NRG1: variants seen among roughly 807,000 people sequenced by gnomAD.
NRG1 encodes pro-neuregulin-1, membrane-bound isoform.
NRG1 carries 18 observed loss-of-function variants against 63.8 expected under a neutral mutation model. The ratio of observed to expected loss-of-function variants is 0.28; its 90% CI spans 0.19 to 0.42. The LOEUF (loss-of-function observed/expected upper bound fraction) is 0.42, where lower values mean the gene tolerates loss of function less well. Among genes scored for constraint, NRG1 ranks in the 10% least tolerant of loss-of-function variants. The pLI, the probability that NRG1 is intolerant of heterozygous loss-of-function variation, is 1.00. For synonymous variants in NRG1, 302 were observed against 301.3 expected (o/e 1.00, Z -0.02); for missense variants, 762 against 814.7 (o/e 0.94, Z 0.79).
chr8:31,857,717 C>G (rs532412114), intron 1 of NRG1, among the ~76,000 whole-genome samples: 1 of 152,208 alleles, frequency 6.6e-6, no homozygotes, highest in Non-Finnish European at 1.5e-5. Flanking sequence ...TAATGACTTA[C>G]TACTTGCTGT....
intron 5 of NRG1, among the ~76,000 whole-genome samples, chr8:32,668,930 G>T (rs1283691093): frequency 1.3e-5 from 2 of 152,142 alleles, no homozygotes; most frequent in Middle Eastern, 3.4e-3. Flanking sequence ...TGGTTGTGTC[G>T]AATAGAATTG....
intron 5 of NRG1, among the ~76,000 whole-genome samples, chr8:32,715,756 A>G (rs1037580105): frequency 1.3e-5 from 2 of 151,556 alleles, no homozygotes; most frequent in Non-Finnish European, 2.9e-5. Flanking sequence ...CTCCTGCCTC[A>G]GCCTCCTGAG....
At chr8:31,866,333 T>A (rs1165437055) in intron 1 of NRG1, among the ~76,000 whole-genome samples, 1 of 152,176 alleles carries the variant, frequency 6.6e-6, no homozygotes, top group African/African-American at 2.4e-5. Flanking sequence ...TTACTTGGAT[T>A]GAGTAATAAA....
intron 1 of NRG1, among the ~76,000 whole-genome samples, chr8:32,254,372 C>A (rs112283185): frequency 6.6e-6 from 1 of 152,130 alleles, no homozygotes; most frequent in East Asian, 1.9e-4. Context: ...TATTCTGGTA[C>A]GCTGTGTCTT....
chr8:32,278,296 G>A (rs1036521309), intron 1 of NRG1, among the ~76,000 whole-genome samples: 2 of 152,094 alleles, frequency 1.3e-5, no homozygotes, highest in Admixed American at 1.3e-4. Context: ...AACAGAATAA[G>A]TAAGTGAAAA....
At chr8:32,047,305 C>G (rs182803792) in intron 1 of NRG1, among the ~76,000 whole-genome samples, 10 of 151,916 alleles carry the variant, frequency 6.6e-5, no homozygotes, top group African/African-American at 2.4e-4. Context: ...CTTTTGTAGG[C>G]GAGGATGAAT....
At chr8:32,085,137 C>CT (rs749104023) in intron 1 of NRG1, among the ~76,000 whole-genome samples, 2 of 152,190 alleles carry the variant, frequency 1.3e-5, no homozygotes, top group African/African-American at 2.4e-5. Flanking sequence ...ATATCCTTTG[C>CT]TTTTGACATA....
chr8:32,075,952 C>CTGGG (rs1826455182), intron 1 of NRG1, among the ~76,000 whole-genome samples: 1 of 152,216 alleles, frequency 6.6e-6, no homozygotes, highest in African/African-American at 2.4e-5. Flanking sequence ...GGATTACAGG[C>CTGGG]ATGAACCACC....
At chr8:31,833,759 T>C (rs1825397580) in intron 1 of NRG1, among the ~76,000 whole-genome samples, 1 of 152,192 alleles carries the variant, frequency 6.6e-6, no homozygotes, top group Admixed American at 6.5e-5. Context: ...TGAGCTGTGC[T>C]CCATGATCTC....
intron 1 of NRG1, among the ~76,000 whole-genome samples, chr8:31,947,306 CAAAAAAAA>C (rs61713691): frequency 2.3e-5 from 3 of 132,676 alleles, no homozygotes; most frequent in African/African-American, 9.6e-5. Flanking sequence ...GACTCCGTCT[CAAAAAAAA>C]AAAAAAAAAA....
intron 1 of NRG1, among the ~76,000 whole-genome samples, chr8:32,132,210 A>G (rs1834919460): frequency 6.6e-6 from 1 of 152,078 alleles, no homozygotes; most frequent in Admixed American, 6.6e-5. Flanking sequence ...TGTTGTCTCC[A>G]AGCTAACCTT....
At chr8:32,692,666 CT>C (rs1812089826) in intron 5 of NRG1, among the ~76,000 whole-genome samples, 1 of 152,170 alleles carries the variant, frequency 6.6e-6, no homozygotes, top group Admixed American at 6.5e-5. Context: ...TGAGCTTTCT[CT>C]TTTAAGTAGC....
chr8:32,106,311 A>C (rs975087941), intron 1 of NRG1, among the ~76,000 whole-genome samples: 5 of 152,230 alleles, frequency 3.3e-5, no homozygotes, highest in Admixed American at 3.3e-4. Context: ...GCATATAACT[A>C]CATGCAGTTT....
At chr8:31,674,359 A>T (rs1807461649) in intron 1 of NRG1, among the ~76,000 whole-genome samples, 1 of 152,200 alleles carries the variant, frequency 6.6e-6, no homozygotes, top group South Asian at 2.1e-4. Flanking sequence ...CCCGCAACGT[A>T]TAAGGGTTTC....
chr8:31,642,912 C>A (rs1366305658), intron 1 of NRG1, among the ~76,000 whole-genome samples: 1 of 151,948 alleles, frequency 6.6e-6, no homozygotes, highest in Non-Finnish European at 1.5e-5. Context: ...AGGATAAAAG[C>A]AAATAATATC....
chr8:32,760,231 T>A (rs889841669), exon 11 of NRG1: 2 of 1,613,924 alleles, frequency 1.2e-6, no homozygotes, highest in Non-Finnish European at 8.5e-7. Context: ...AAGCATCCTT[T>A]CCGAAAGCCA....
intron 1 of NRG1, among the ~76,000 whole-genome samples, chr8:32,294,139 C>T (rs370205698): frequency 1.3e-4 from 20 of 152,084 alleles, no homozygotes; most frequent in South Asian, 8.3e-4. Flanking sequence ...TGCCTGTCCA[C>T]GGAGGTCTCA....
chr8:32,715,641 CTTTTTT>C (rs34392932), intron 5 of NRG1, among the ~76,000 whole-genome samples: 1 of 126,668 alleles, frequency 7.9e-6, no homozygotes, highest in African/African-American at 3.0e-5. Flanking sequence ...AAATCAGGCC[CTTTTTT>C]TTTTTTTTTG....
chr8:32,220,906 C>T (rs1437594375), intron 1 of NRG1: 1 of 152,118 alleles, frequency 6.6e-6, no homozygotes, highest in Non-Finnish European at 1.5e-5. Flanking sequence ...GGCTTTTAAC[C>T]AGAAAGAATT....
Sources: gnomAD v4.1 joint callset for allele counts (sites outside exome capture counted in the v4.1 genomes callset) on GRCh38, gnomAD v4.1.1 for gene constraint, MANE v1.5 for transcripts, NCBI Gene and HGNC (gene_info 2026-07-23, HGNC 2026-07-21) for gene names.